Variants in ZFHX3 observed in about 807,000 individuals in gnomAD.
ZFHX3 encodes zinc finger homeobox 3.
In ZFHX3, 42 loss-of-function variants were observed where a neutral mutation model predicts 279.1. The ratio of observed to expected loss-of-function variants is 0.15; its 90% confidence interval spans 0.12 to 0.19. The LOEUF is 0.19. Among genes scored for constraint, ZFHX3 ranks in the 10% least tolerant of loss-of-function variants. The pLI, the probability that ZFHX3 is intolerant of heterozygous loss-of-function variation, is 1.00. For missense variants in ZFHX3, 4,981 were observed against 4,754.0 expected, an observed-to-expected ratio of 1.05 and a Z score of -1.40; for synonymous variants, 2,293 against 1,957.8, an observed-to-expected ratio of 1.17 and a Z score of -4.52.
intron 1 of ZFHX3, among the ~76,000 whole-genome samples, chr16:73,763,364 A>G (rs919288377): frequency 6.6e-6 from 1 of 152,336 alleles, no homozygotes. Flanking sequence ...TTGTAAATCA[A>G]TTCTAATTAA....
chr16:73,335,492 A>G (rs2015894810), intron 3 of ZFHX3, among the ~76,000 whole-genome samples: 2 of 152,224 alleles, frequency 1.3e-5, no homozygotes, highest in African/African-American at 2.4e-5. Context: ...TATTTAAGGC[A>G]CTGATGTAAC....
At chr16:73,883,427 G>A (rs554873447) in intron 1 of ZFHX3, among the ~76,000 whole-genome samples, 3,877 of 142,394 alleles carry the variant, frequency 0.027, 76 homozygotes, top group African/African-American at 0.056. Flanking sequence ...GTGTGTGTGT[G>A]TATATGAATA....
chr16:73,754,059 GTATTT>G (rs1270832287), intron 1 of ZFHX3, among the ~76,000 whole-genome samples: 13 of 150,132 alleles, frequency 8.7e-5, no homozygotes, highest in Non-Finnish European at 1.6e-4. Context: ...AATGTCTTGT[GTATTT>G]TGTCTTTCCA....
In ZFHX3 at chr16:73,334,229, C is replaced by G. The variant is rs76908962; in HGVS notation, c.-1290-15893G>C. ...AGGGTCACCAGCTTCATCGCTGCCT[C>G]TCTGCTGAGAATAAGCCACACGGGC... On this transcript the variant is annotated intron_variant, in intron 3 of 17. Transcript: ENST00000641206. 1.1e-3 allele frequency among the ~76,000 whole-genome samples: 171 copies of G among 152,200 alleles called. 1 individual carries two copies. The highest frequency in any genetic ancestry group is 3.9e-3 in the African/African-American group (163 of 41,538).
At chr16:72,897,878 G>C (rs1003825202) in intron 3 of ZFHX3, among the ~76,000 whole-genome samples, 2 of 152,176 alleles carry the variant, frequency 1.3e-5, no homozygotes, top group African/African-American at 4.8e-5. Context: ...AACAGGACCA[G>C]AGCCTGAGAC....
Position 73,349,813 on chromosome 16 carries a change from C to T in ZFHX3, c.-1290-31477G>A, listed in dbSNP as rs1004275160. 2.1e-4 allele frequency among the ~76,000 whole-genome samples: 30 copies of T among 142,816 alleles called. 2 individuals are homozygous for T. The highest frequency in any genetic ancestry group is 6.2e-4 in the African/African-American group (23 of 37,228). 93.7% of individuals were successfully genotyped at this position (142,816 alleles called of 152,430 possible). ...TCCTTGTTCCCTCTTCCCTCCCTCC[C>T]TCCTTCCCTCCCTTTCTCCCTTCCT... On this transcript the variant is annotated intron_variant, in intron 3 of 17. Coordinates refer to the ZFHX3 transcript ENST00000641206.
At chr16:73,522,429 A>G (rs1030970973) in intron 2 of ZFHX3, among the ~76,000 whole-genome samples, 4 of 151,966 alleles carry the variant, frequency 2.6e-5, no homozygotes, top group Non-Finnish European at 5.9e-5. Context: ...GAATGGGGGG[A>G]GTTCCTAGGC....
At chr16:73,605,260 A>G (rs958109373) in intron 2 of ZFHX3, among the ~76,000 whole-genome samples, 5 of 152,212 alleles carry the variant, frequency 3.3e-5, no homozygotes, top group African/African-American at 1.2e-4. Flanking sequence ...GCAGCAGGGA[A>G]CTTAAAAGAA....
chr16:73,651,711 C>T (rs1440933316), intron 2 of ZFHX3, among the ~76,000 whole-genome samples: 2 of 118,794 alleles, frequency 1.7e-5, no homozygotes, highest in African/African-American at 6.1e-5. Flanking sequence ...AAAAAAAAGC[C>T]GGGCGTGGTG....
rs1305430069 is a variant in ZFHX3, at chr16:72,783,762, C to CTAA, written c.*3399_*3401dup. The CTAA allele has an allele frequency of 2.0e-5, 3 of 152,174 alleles. No individual in the cohort carries two copies. Among genetic ancestry groups the CTAA allele is most frequent in the African/African-American group, 7.2e-5 (3 of 41,442 alleles). The allele number at this position is 152,174 out of a possible 1,614,324, so 9.4% of individuals were successfully genotyped here. On this transcript the variant is annotated 3_prime_UTR_variant, in exon 10 of 10. Transcript: ENST00000268489. ...AACGAGTGTCAATGGAGGTGAAGAA[C>CTAA]TAATTTAAAAAGCAAGTGGAAATAT...
intron 1 of ZFHX3, among the ~76,000 whole-genome samples, chr16:73,728,051 T>A (rs2053536929): frequency 8.7e-6 from 1 of 115,212 alleles, no homozygotes; most frequent in African/African-American, 3.3e-5. Flanking sequence ...TATGTTGAAG[T>A]TGTAACTCCC....
At chr16:73,039,157 T>C (rs1351732965) in intron 1 of ZFHX3, among the ~76,000 whole-genome samples, 2 of 148,500 alleles carry the variant, frequency 1.3e-5, no homozygotes, top group African/African-American at 2.5e-5. Flanking sequence ...AGGGTCTCCC[T>C]ATGTTGCCCA....
At chr16:73,023,542 C>T (rs1455942478) in intron 1 of ZFHX3, among the ~76,000 whole-genome samples, 1 of 152,190 alleles carries the variant, frequency 6.6e-6, no homozygotes, top group East Asian at 1.9e-4. Context: ...ACAGCCAATG[C>T]CCCCGGCTCC....
chr16:73,585,339 C>A (rs1477266360), intron 2 of ZFHX3, among the ~76,000 whole-genome samples: 1 of 152,136 alleles, frequency 6.6e-6, no homozygotes, highest in Admixed American at 6.6e-5. Flanking sequence ...TCACTTGAAC[C>A]CTGGAGGCGG....
chr16:73,543,594 T>A (rs1269197474), intron 2 of ZFHX3, among the ~76,000 whole-genome samples: 1 of 152,194 alleles, frequency 6.6e-6, no homozygotes, highest in Non-Finnish European at 1.5e-5. Flanking sequence ...GAAAGTCAAG[T>A]GGAGGCCTGC....
intron 2 of ZFHX3, among the ~76,000 whole-genome samples, chr16:73,529,320 G>C (rs1200772649): frequency 6.6e-6 from 1 of 152,138 alleles, no homozygotes; most frequent in Non-Finnish European, 1.5e-5. Flanking sequence ...CTATAAGAAA[G>C]GACAAGAAAT....
At chr16:73,682,202 G>A (rs1003625683) in intron 1 of ZFHX3, among the ~76,000 whole-genome samples, 1 of 152,192 alleles carries the variant, frequency 6.6e-6, no homozygotes, top group Non-Finnish European at 1.5e-5. Flanking sequence ...AAATTGTTTA[G>A]CAGAGTGCCA....
chr16:73,846,575 G>A (rs879056772), intron 1 of ZFHX3, among the ~76,000 whole-genome samples: 1 of 152,042 alleles, frequency 6.6e-6, no homozygotes, highest in Admixed American at 6.6e-5. Flanking sequence ...ATGAATGAAT[G>A]GACAACTAAT....
At chr16:72,894,804 A>C (rs766150383) in intron 3 of ZFHX3, among the ~76,000 whole-genome samples, 1 of 152,172 alleles carries the variant, frequency 6.6e-6, no homozygotes, top group Non-Finnish European at 1.5e-5. Context: ...CCAGGCAGGA[A>C]ATTTTTCTCC....
Sources: allele counts gnomAD v4.1 joint callset (sites outside exome capture counted in the v4.1 genomes callset), GRCh38; gene constraint gnomAD v4.1.1; transcripts MANE v1.5; gene names NCBI Gene and HGNC (gene_info 2026-07-23, HGNC 2026-07-21).